Variants in RANBP2 observed in about 807,000 individuals in gnomAD.
RANBP2 encodes RAN binding protein 2.
In RANBP2, 57 loss-of-function variants were observed where a neutral mutation model predicts 303.6. The observed-to-expected ratio is 0.19, with a 90% CI of 0.15 to 0.23. The LOEUF (loss-of-function observed/expected upper bound fraction) is 0.23, where lower values mean the gene tolerates loss of function less well. RANBP2 is among the 10% of genes least tolerant of loss of function. The pLI is 1.00. For synonymous variants in RANBP2, 1,167 were observed against 1,301.5 expected, an observed-to-expected ratio of 0.90 and a Z score of 2.23; for missense variants, 3,138 against 3,780.8, an observed-to-expected ratio of 0.83 and a Z score of 4.46.
chr2:109,335,501 C>T, the RANBP2 span, among the ~76,000 whole-genome samples: 1 of 152,332 alleles, frequency 6.6e-6, no homozygotes, highest in African/African-American at 2.4e-5. Context: ...TCCACGTGTC[C>T]CTCAGTTACC....
chr2:108,744,543 A>G (rs1696361299), intron 7 of RANBP2, among the ~76,000 whole-genome samples: 2 of 152,260 alleles, frequency 1.3e-5, no homozygotes, highest in Non-Finnish European at 2.9e-5. Flanking sequence ...TTTCAAAACA[A>G]AAAGAATGAT....
At chr2:109,534,255 G>C in the RANBP2 span, among the ~76,000 whole-genome samples, 1 of 152,188 alleles carries the variant, frequency 6.6e-6, no homozygotes, top group Non-Finnish European at 1.5e-5. Flanking sequence ...TATGGAGACA[G>C]GTGAGGTGCA....
At chr2:109,364,035 T>C in the RANBP2 span, among the ~76,000 whole-genome samples, 1 of 152,274 alleles carries the variant, frequency 6.6e-6, no homozygotes, top group East Asian at 1.9e-4. Flanking sequence ...GTTATTATTG[T>C]TTCAAATATT....
the RANBP2 span, among the ~76,000 whole-genome samples, chr2:108,939,931 G>A: frequency 6.6e-6 from 1 of 152,180 alleles, no homozygotes; most frequent in Admixed American, 6.5e-5. Context: ...TGATGGAGAC[G>A]AGGCCTCCTG....
At chr2:109,715,037 G>C in the RANBP2 span, among the ~76,000 whole-genome samples, 1 of 151,848 alleles carries the variant, frequency 6.6e-6, no homozygotes. Flanking sequence ...TAGTGTGATC[G>C]GCTCATTGCA....
the RANBP2 span, among the ~76,000 whole-genome samples, chr2:109,172,732 G>C: frequency 1.3e-5 from 2 of 152,210 alleles, no homozygotes; most frequent in African/African-American, 4.8e-5. Context: ...GTTGAGCTCT[G>C]GCAGGGATGC....
In RANBP2 at chr2:108,740,569, A is replaced by G; in HGVS notation, c.863A>G (p.His288Arg). ...LSATFLEMKG[H>R]FYMHAGSLLL... Reference sequence around the variant, plus strand: ...GCTACTTTCTTAGAAATGAAAGGACATTTCTACATGCATGCTGGTTCTCTG... The same window carrying G: ...GCTACTTTCTTAGAAATGAAAGGACGTTTCTACATGCATGCTGGTTCTCTG... Residue 288 changes from histidine (H) to arginine (R), a missense_variant, in exon 7 of 29, where the codon CAT becomes CGT. This residue lies in a region of RANBP2 where 306 missense variants were observed against 381.9 expected (regional missense o/e 0.80). Coordinates refer to ENST00000283195, the MANE Select transcript of RANBP2 (RefSeq NM_006267.5). 6.3e-7 allele frequency: 1 copy of G among 1,597,570 alleles called. No homozygotes were observed. Among genetic ancestry groups the G allele is most frequent in the Non-Finnish European group, 8.5e-7 (1 of 1,179,774 alleles).
At chr2:109,035,824 A>G in the RANBP2 span, among the ~76,000 whole-genome samples, 1 of 152,200 alleles carries the variant, frequency 6.6e-6, no homozygotes, top group African/African-American at 2.4e-5. Context: ...AAACACAAAA[A>G]AAATAATTAA....
the RANBP2 span, among the ~76,000 whole-genome samples, chr2:109,196,289 G>C: frequency 6.6e-6 from 1 of 152,202 alleles, no homozygotes; most frequent in African/African-American, 2.4e-5. Context: ...GCTGCTCCAG[G>C]CCAGCAGCCC....
the RANBP2 span, among the ~76,000 whole-genome samples, chr2:109,318,351 G>T: frequency 6.6e-6 from 1 of 152,172 alleles, no homozygotes; most frequent in African/African-American, 2.4e-5. Context: ...CCCAGTGCTT[G>T]TCCTCTGCCC....
chr2:109,170,742 C>T, the RANBP2 span, among the ~76,000 whole-genome samples: 2 of 152,208 alleles, frequency 1.3e-5, no homozygotes, highest in Admixed American at 1.3e-4. Context: ...TGACCATGTG[C>T]CAGGCACTGG....
the RANBP2 span, among the ~76,000 whole-genome samples, chr2:109,462,847 T>C: frequency 0.52 from 79,001 of 152,064 alleles, 21,015 homozygotes; most frequent in Non-Finnish European, 0.56. Flanking sequence ...CTGTGCTCCA[T>C]AAGCCCGTCC....
the RANBP2 span, among the ~76,000 whole-genome samples, chr2:108,935,646 T>TCACA: frequency 7.9e-5 from 12 of 151,666 alleles, no homozygotes; most frequent in African/African-American, 2.7e-4. Flanking sequence ...GCACCCCTTT[T>TCACA]CACACACACA....
At chr2:108,903,245 C>G in the RANBP2 span, among the ~76,000 whole-genome samples, 1 of 151,946 alleles carries the variant, frequency 6.6e-6, no homozygotes, top group Non-Finnish European at 1.5e-5. Flanking sequence ...TAAAGTTGTG[C>G]TAAATAAATG....
At chr2:109,092,258 C>G in the RANBP2 span, among the ~76,000 whole-genome samples, 1 of 152,110 alleles carries the variant, frequency 6.6e-6, no homozygotes, top group Non-Finnish European at 1.5e-5. Flanking sequence ...GTAAGCGCAA[C>G]AGGCCTGTCT....
chr2:109,149,374 A>G, the RANBP2 span, among the ~76,000 whole-genome samples: 2 of 152,168 alleles, frequency 1.3e-5, no homozygotes, highest in Non-Finnish European at 2.9e-5. Context: ...TCTGGCAGAG[A>G]CTTTCGTTAT....
chr2:109,517,614 C>T, the RANBP2 span, among the ~76,000 whole-genome samples: 33 of 152,342 alleles, frequency 2.2e-4, no homozygotes, highest in Admixed American at 1.5e-3. Flanking sequence ...CACAGCTCAG[C>T]AGGGGTGTGA....
chr2:108,946,768 C>T, the RANBP2 span, among the ~76,000 whole-genome samples: 163 of 152,254 alleles, frequency 1.1e-3, 5 homozygotes, highest in South Asian at 0.032. Flanking sequence ...TGGGGGAAAG[C>T]GCCCCATGAT....
chr2:109,667,447 T>C, the RANBP2 span: 14 of 363,582 alleles, frequency 3.9e-5, no homozygotes, highest in South Asian at 3.9e-4. Context: ...AGGGCTGGAG[T>C]CTATTTCCAG....
Sources: allele counts gnomAD v4.1 joint callset (sites outside exome capture counted in the v4.1 genomes callset), GRCh38; gene constraint gnomAD v4.1.1; regional missense constraint gnomAD v4.1.1; transcripts MANE v1.5; gene names NCBI Gene and HGNC (gene_info 2026-07-23, HGNC 2026-07-21).